Variants in CTNNA2 observed in about 807,000 individuals in gnomAD.
CTNNA2 encodes catenin alpha 2.
In CTNNA2, 42 loss-of-function variants were observed where a neutral mutation model predicts 101.0. The ratio of observed to expected loss-of-function variants is 0.42; its 90% confidence interval spans 0.32 to 0.54. The LOEUF (loss-of-function observed/expected upper bound fraction) is 0.54, where lower values mean the gene tolerates loss of function less well. Ranked by LOEUF, CTNNA2 falls within the 20% of genes least tolerant of loss-of-function variation. The pLI is 0.14. For missense variants in CTNNA2, 871 were observed against 1,223.1 expected (o/e 0.71, Z 4.29); for synonymous variants, 450 against 456.4 (o/e 0.99, Z 0.18).
At chr2:79,351,557 T>C (rs1314690160) in intron 3 of CTNNA2, among the ~76,000 whole-genome samples, 8 of 152,150 alleles carry the variant, frequency 5.3e-5, no homozygotes, top group Admixed American at 2.0e-4. Context: ...CAGTATCCAA[T>C]AGGTAGTTTT....
intron 3 of CTNNA2, among the ~76,000 whole-genome samples, chr2:79,849,505 A>T (rs1248321508): frequency 6.6e-6 from 1 of 152,050 alleles, no homozygotes. Context: ...TTAGAGAAAA[A>T]TTCTGATTGT....
At chr2:80,162,730 A>T (rs1704407717) in intron 7 of CTNNA2, 1 of 1,610,864 alleles carries the variant, frequency 6.2e-7, no homozygotes, top group Non-Finnish European at 8.5e-7. Context: ...GATTGAACTG[A>T]TGGTGAAAAT....
chr2:80,440,263 C>A (rs145002142), intron 9 of CTNNA2, among the ~76,000 whole-genome samples: 1 of 152,256 alleles, frequency 6.6e-6, no homozygotes, highest in African/African-American at 2.4e-5. Flanking sequence ...GCTCAGAAAT[C>A]TTAACAACCA....
intron 17 of CTNNA2, among the ~76,000 whole-genome samples, chr2:80,609,781 C>G (rs1232095512): frequency 1.3e-5 from 2 of 151,780 alleles, no homozygotes; most frequent in Non-Finnish European, 3.0e-5. Flanking sequence ...CATGGATGCG[C>G]AAAGCATCTT....
chr2:80,455,671 T>C (rs1017875901), intron 9 of CTNNA2, among the ~76,000 whole-genome samples: 2 of 152,192 alleles, frequency 1.3e-5, no homozygotes, highest in African/African-American at 2.4e-5. Flanking sequence ...GATAAATTAA[T>C]TCACACCAAG....
intron 4 of CTNNA2, among the ~76,000 whole-genome samples, chr2:79,859,735 C>T (rs1450229117): frequency 6.6e-6 from 1 of 152,016 alleles, no homozygotes; most frequent in East Asian, 1.9e-4. Context: ...AGAGTCTTTA[C>T]CTGTTTCAGA....
intron 12 of CTNNA2, among the ~76,000 whole-genome samples, chr2:80,563,898 T>C (rs1459426281): frequency 2.6e-5 from 4 of 152,186 alleles, no homozygotes; most frequent in African/African-American, 9.7e-5. Flanking sequence ...TCCTAGTGTT[T>C]ATATCTGTCT....
intron 1 of CTNNA2, among the ~76,000 whole-genome samples, chr2:79,544,546 G>A (rs952143195): frequency 3.9e-5 from 6 of 152,154 alleles, no homozygotes; most frequent in African/African-American, 1.4e-4. Flanking sequence ...AGACAAATTT[G>A]TGTAACTGAT....
intron 7 of CTNNA2, among the ~76,000 whole-genome samples, chr2:80,355,547 C>G (rs1007158766): frequency 6.6e-6 from 1 of 152,128 alleles, no homozygotes; most frequent in African/African-American, 2.4e-5. Flanking sequence ...GAACAATAAG[C>G]ATCATACTTA....
At chr2:80,326,681 T>C (rs1670835832) in intron 7 of CTNNA2, among the ~76,000 whole-genome samples, 1 of 152,060 alleles carries the variant, frequency 6.6e-6, no homozygotes, top group African/African-American at 2.4e-5. Context: ...AGATAGAGAT[T>C]CTAAAATAAG....
At chr2:79,333,553 G>T (rs559589318) in intron 3 of CTNNA2, among the ~76,000 whole-genome samples, 1 of 152,220 alleles carries the variant, frequency 6.6e-6, no homozygotes, top group East Asian at 1.9e-4. Context: ...ATCAAAAGCT[G>T]TGTATCCAGC....
chr2:80,575,770 T>C (rs1694987446), intron 13 of CTNNA2, among the ~76,000 whole-genome samples: 1 of 151,980 alleles, frequency 6.6e-6, no homozygotes, highest in Non-Finnish European at 1.5e-5. Flanking sequence ...ATTCATGAGC[T>C]GTAACACACA....
intron 7 of CTNNA2, among the ~76,000 whole-genome samples, chr2:80,109,836 C>T (rs151331042): frequency 2.6e-5 from 4 of 152,208 alleles, no homozygotes; most frequent in South Asian, 4.1e-4. Flanking sequence ...TCACTAAATG[C>T]TTTTTTTACT....
intron 3 of CTNNA2, among the ~76,000 whole-genome samples, chr2:79,323,207 CTTCTCAGAAATATTCACA>C (rs1404450269): frequency 6.6e-6 from 1 of 152,172 alleles, no homozygotes; most frequent in East Asian, 1.9e-4. Context: ...AGTTATTCCC[CTTCTCAGAAATATTCACA>C]TTCTAAAGCA....
rs181516344 is a variant in CTNNA2, at chr2:80,234,682, A to G, written c.1057-158529A>G. 2.0e-3 allele frequency among the ~76,000 whole-genome samples: 299 copies of G among 152,272 alleles called. 1 individual carries two copies. Among genetic ancestry groups the G allele is most frequent in the African/African-American group, 7.0e-3 (289 of 41,566 alleles). On this transcript the variant is annotated intron_variant, in intron 7 of 18. Transcript: ENST00000402739. The stretch of plus-strand genomic sequence containing the variant: ...ATTGGAGGATACTGCTGCAGTTGAG[A>G]GGAGCAGGATTGAGTATGTAGATCA...
chr2:79,286,331 G>A (rs1016320904), intron 2 of CTNNA2, among the ~76,000 whole-genome samples: 1 of 152,212 alleles, frequency 6.6e-6, no homozygotes, highest in African/African-American at 2.4e-5. Flanking sequence ...GTTAGTTCAT[G>A]CGGTTTCTTC....
chr2:79,942,137 C>CAA (rs1377797330), intron 7 of CTNNA2, among the ~76,000 whole-genome samples: 1 of 152,258 alleles, frequency 6.6e-6, no homozygotes, highest in East Asian at 1.9e-4. Flanking sequence ...CATTATTAAT[C>CAA]AAATCTTACA....
chr2:79,878,048 G>A (rs971635243), intron 6 of CTNNA2, among the ~76,000 whole-genome samples: 4 of 152,018 alleles, frequency 2.6e-5, no homozygotes, highest in African/African-American at 9.7e-5. Context: ...CTCCCACTTA[G>A]GAATGAGAAC....
At chr2:80,561,355 A>G (rs1245899061) in intron 12 of CTNNA2, among the ~76,000 whole-genome samples, 2 of 152,202 alleles carry the variant, frequency 1.3e-5, no homozygotes, top group African/African-American at 2.4e-5. Context: ...ATTTGTCTCA[A>G]TGTCTTTTTT....
Sources: allele counts gnomAD v4.1 joint callset (sites outside exome capture counted in the v4.1 genomes callset), GRCh38; gene constraint gnomAD v4.1.1; transcripts MANE v1.5; gene names NCBI Gene and HGNC (gene_info 2026-07-23, HGNC 2026-07-21).